Variants in LCORL observed in about 807,000 individuals in gnomAD.
LCORL encodes ligand-dependent nuclear receptor corepressor-like protein.
In LCORL, 41 loss-of-function variants were observed where a neutral mutation model predicts 141.8. The observed-to-expected ratio is 0.29, with a 90% CI of 0.23 to 0.38. The LOEUF is 0.38. Ranked by LOEUF, LCORL falls within the 10% of genes least tolerant of loss-of-function variation. The pLI, the probability that LCORL is intolerant of heterozygous loss-of-function variation, is 1.00. For synonymous variants in LCORL, 618 were observed against 694.1 expected (o/e 0.89, Z 1.72); for missense variants, 1,759 against 2,035.0 (o/e 0.86, Z 2.61).
At chr4:18,013,396 C>T (rs1724112582) in intron 1 of LCORL, among the ~76,000 whole-genome samples, 1 of 152,168 alleles carries the variant, frequency 6.6e-6, no homozygotes, top group South Asian at 2.1e-4. Context: ...ATTTAAATAT[C>T]ATCTTTATGC....
intron 4 of LCORL, among the ~76,000 whole-genome samples, chr4:17,914,431 A>C (rs549241529): frequency 6.6e-6 from 1 of 152,312 alleles, no homozygotes; most frequent in East Asian, 1.9e-4. Context: ...TTTACAGCAA[A>C]GTTTAAAGCA....
intron 1 of LCORL, among the ~76,000 whole-genome samples, chr4:17,980,045 G>A (rs1717683755): frequency 6.6e-6 from 1 of 152,150 alleles, no homozygotes; most frequent in South Asian, 2.1e-4. Context: ...CTGGCCTAGA[G>A]CTTTCATAAA....
chr4:17,900,355 T>C (rs988843196), intron 5 of LCORL, among the ~76,000 whole-genome samples: 6 of 152,208 alleles, frequency 3.9e-5, no homozygotes, highest in Admixed American at 6.6e-5. Context: ...ATATATCTGA[T>C]ATATTCCTGC....
At chr4:17,880,660 G>A (rs1197325014) in intron 6 of LCORL, 1 of 982,826 alleles carries the variant, frequency 1.0e-6, no homozygotes, top group Admixed American at 6.2e-5. Flanking sequence ...CACACCAACA[G>A]TGTTGTAAAT....
chr4:17,857,761 C>A (rs1478993015), intron 7 of LCORL, among the ~76,000 whole-genome samples: 2 of 152,168 alleles, frequency 1.3e-5, no homozygotes, highest in Non-Finnish European at 2.9e-5. Flanking sequence ...CCCAAATATC[C>A]TCTGAGACAA....
chr4:17,850,957 G>GA (rs1158308734), intron 7 of LCORL, among the ~76,000 whole-genome samples: 1 of 149,850 alleles, frequency 6.7e-6, no homozygotes, highest in Non-Finnish European at 1.5e-5. Flanking sequence ...CATAAAAAAT[G>GA]ATGAGTTCAT....
chr4:17,987,239 C>A (rs1274064739), intron 1 of LCORL, among the ~76,000 whole-genome samples: 1 of 152,166 alleles, frequency 6.6e-6, no homozygotes, highest in Non-Finnish European at 1.5e-5. Flanking sequence ...ATATAATTTA[C>A]TACCATAAAA....
intron 5 of LCORL, among the ~76,000 whole-genome samples, chr4:17,904,478 C>T (rs1313265792): frequency 6.6e-6 from 1 of 152,050 alleles, no homozygotes; most frequent in East Asian, 1.9e-4. Context: ...AGAACTTCTT[C>T]CCTACTTTGA....
At chr4:17,979,385 C>T (rs989334452) in intron 1 of LCORL, among the ~76,000 whole-genome samples, 5 of 152,182 alleles carry the variant, frequency 3.3e-5, no homozygotes, top group Non-Finnish European at 7.3e-5. Context: ...AACTCTATTA[C>T]TTCCTCATGC....
intron 5 of LCORL, among the ~76,000 whole-genome samples, chr4:17,901,194 T>C (rs946234587): frequency 1.5e-4 from 22 of 151,656 alleles, no homozygotes; most frequent in African/African-American, 5.3e-4. Context: ...TCCAAACATA[T>C]CCAAGACAAC....
intron 4 of LCORL, among the ~76,000 whole-genome samples, chr4:17,920,069 T>A (rs1053904499): frequency 2.6e-5 from 4 of 152,242 alleles, no homozygotes; most frequent in Non-Finnish European, 5.9e-5. Flanking sequence ...TCCTTCAGAA[T>A]AAGCCAGTTA....
chr4:18,011,880 A>AT (rs1422214965), intron 1 of LCORL, among the ~76,000 whole-genome samples: 11 of 152,218 alleles, frequency 7.2e-5, no homozygotes, highest in African/African-American at 2.4e-4. Context: ...AAGCCTAGTC[A>AT]TTTTGAATCC....
chr4:17,896,745 G>A (rs1478047013), intron 5 of LCORL, among the ~76,000 whole-genome samples: 1 of 151,944 alleles, frequency 6.6e-6, no homozygotes, highest in East Asian at 1.9e-4. Flanking sequence ...ATTATACTCA[G>A]TTATTTTAAA....
At chr4:17,913,295 T>A (rs1302752584) in intron 4 of LCORL, among the ~76,000 whole-genome samples, 2 of 152,196 alleles carry the variant, frequency 1.3e-5, no homozygotes. Flanking sequence ...ACCAGATCAG[T>A]TGCAGACAAC....
At chr4:17,883,933 T>G in intron 6 of LCORL, 3 of 1,550,838 alleles carry the variant, frequency 1.9e-6, no homozygotes, top group Non-Finnish European at 2.6e-6. Flanking sequence ...TTGCAATAGC[T>G]TCTTCCATTA....
chr4:17,884,267 GA>G lies in LCORL; in HGVS notation c.776+1800del. ...ACCATCAGGTTGTGATTTTGAGACA[GA>G]ACTTACTCGTAGCTGAGGAATTTTT... On this transcript the variant is annotated intron_variant, in intron 6 of 7. Coordinates refer to ENST00000635767, the Ensembl canonical transcript of LCORL. The surrounding 1 kb of genome is among the most constrained non-coding windows in gnomAD (Gnocchi z 4.4). 1 of 1,550,682 alleles carries G rather than the reference GA, an allele frequency of 6.4e-7. No homozygotes were observed. Among genetic ancestry groups the G allele is most frequent in the Non-Finnish European group, 8.7e-7 (1 of 1,146,388 alleles).
intron 4 of LCORL, among the ~76,000 whole-genome samples, chr4:17,916,195 G>A (rs2135509): frequency 0.7 from 106,310 of 152,042 alleles, 37,483 homozygotes; most frequent in South Asian, 0.85. Flanking sequence ...ACACTGTTAC[G>A]TTTCTCCCCT....
exon 8 of LCORL, chr4:17,845,102 T>G (rs1722784466): frequency 6.6e-6 from 1 of 152,446 alleles, no homozygotes; most frequent in South Asian, 2.1e-4. Flanking sequence ...ACAGATTTGC[T>G]GAACAGTAAA....
intron 2 of LCORL, among the ~76,000 whole-genome samples, chr4:17,967,613 C>T (rs1430656610): frequency 2.0e-5 from 3 of 152,046 alleles, no homozygotes; most frequent in Admixed American, 1.3e-4. Context: ...AAATATTTCC[C>T]ATACTCAAAG....
Sources: gnomAD v4.1 joint callset for allele counts (sites outside exome capture counted in the v4.1 genomes callset) on GRCh38, gnomAD v4.1.1 for gene constraint, Gnocchi (gnomAD v3.1) non-coding constraint, MANE v1.5 for transcripts, NCBI Gene and HGNC (gene_info 2026-07-23, HGNC 2026-07-21) for gene names.